The following BACE2 variants were observed in gnomAD, a reference collection of about 807,000 sequenced individuals.
The protein encoded by BACE2 is beta-secretase 2, also known as 56 kDa aspartic-like protease.
In BACE2, 17 loss-of-function variants were observed where a neutral mutation model predicts 46.2. The observed-to-expected ratio is 0.37, with a 90% CI of 0.25 to 0.55. The LOEUF (loss-of-function observed/expected upper bound fraction) is 0.55. Ranked by LOEUF, BACE2 falls within the 20% of genes least tolerant of loss-of-function variation. The pLI is 0.82. For synonymous variants in BACE2, 277 were observed against 295.9 expected, an observed-to-expected ratio of 0.94 and a Z score of 0.66; for missense variants, 595 against 698.1, an observed-to-expected ratio of 0.85 and a Z score of 1.66.
chr21:41,185,834 A>T (rs1379519187), intron 1 of BACE2, among the ~76,000 whole-genome samples: 3 of 152,304 alleles, frequency 2.0e-5, no homozygotes, highest in African/African-American at 7.2e-5. Flanking sequence ...AACATAGAAC[A>T]ACGTGACAAC....
chr21:41,271,546 T>G (rs1395401335), intron 8 of BACE2, among the ~76,000 whole-genome samples: 1 of 152,208 alleles, frequency 6.6e-6, no homozygotes, highest in African/African-American at 2.4e-5. Context: ...TTTCTTTTTG[T>G]CTCATTTGTT....
rs1442784981 is a variant in BACE2, at chr21:41,168,295, C to T, written c.32C>T (p.Pro11Leu). Reference sequence around the variant, plus strand: ...GCACTGGCCCGGGCGCTGCTGCTGCCTCTGCTGGCCCAGTGGCTCCTGCGC... The same window carrying T: ...GCACTGGCCCGGGCGCTGCTGCTGCTTCTGCTGGCCCAGTGGCTCCTGCGC... MGALARALLL[P>L]LLAQWLLRAA... Residue 11 changes from proline to leucine, a missense_variant, in exon 1 of 9, where the codon CCT becomes CTT. Physicochemically the swap from Pro to Leu is moderately conservative, Grantham distance 98. This residue lies in a region of BACE2 where 248 missense variants were observed against 261.4 expected (regional missense o/e 0.95). Coordinates refer to ENST00000330333, the MANE Select transcript of BACE2 (RefSeq NM_012105.5). 2.3e-5 allele frequency: 29 copies of T among 1,281,578 alleles called. No homozygotes were observed. In the East Asian group the frequency reaches 7.0e-4, roughly 31 times the overall value. 79.4% of individuals were successfully genotyped at this position (1,281,578 alleles called of 1,614,324 possible).
chr21:41,191,012 A>C (rs1484931285), intron 1 of BACE2, among the ~76,000 whole-genome samples: 1 of 152,122 alleles, frequency 6.6e-6, no homozygotes. Flanking sequence ...ACAGAACTTA[A>C]TGTCATGGGA....
chr21:41,184,982 G>C (rs1157318777), intron 1 of BACE2: 1 of 166,964 alleles, frequency 6.0e-6, no homozygotes, highest in Non-Finnish European at 1.5e-5. Flanking sequence ...TAACCCAAAT[G>C]GTGTTGCAAT....
chr21:41,200,477 C>T (rs111591666), intron 1 of BACE2, among the ~76,000 whole-genome samples: 233 of 152,216 alleles, frequency 1.5e-3, no homozygotes, highest in African/African-American at 5.3e-3. Flanking sequence ...TAGGTGCACC[C>T]GTGAGGTCTT....
At chr21:41,271,367 A>G (rs1196567344) in intron 8 of BACE2, among the ~76,000 whole-genome samples, 1 of 152,312 alleles carries the variant, frequency 6.6e-6, no homozygotes, top group Non-Finnish European at 1.5e-5. Context: ...TAGTTTTTAC[A>G]TTTTTAAAGG....
At chr21:41,252,231 T>C (rs928138292) in intron 7 of BACE2, among the ~76,000 whole-genome samples, 12 of 152,128 alleles carry the variant, frequency 7.9e-5, no homozygotes, top group African/African-American at 2.9e-4. Flanking sequence ...CCCTCCTAGT[T>C]CCTCAGTGTT....
intron 1 of BACE2, chr21:41,178,942 A>G (rs766217132): frequency 2.3e-6 from 1 of 434,636 alleles, no homozygotes; most frequent in African/African-American, 2.1e-5. Context: ...CCTGCTTTAT[A>G]AGGGCGGTTA....
chr21:41,241,693 T>A lies in BACE2; in HGVS notation c.619-126T>A, dbSNP rs555212725. 4.5e-4 allele frequency: 495 copies of A among 1,101,316 alleles called. 1 individual carries two copies. Among genetic ancestry groups the A allele is most frequent in the Non-Finnish European group, 5.9e-4 (451 of 758,554 alleles). 68.2% of individuals were successfully genotyped at this position (1,101,316 alleles called of 1,614,324 possible). On this transcript the variant is annotated intron_variant, in intron 3 of 8. Transcript: ENST00000330333. Reference sequence around the variant, plus strand: ...TAGACCCAATCACAAGCTGGTGTACTGTTGAACCATGAAAAAATTGAGTAT... The same window carrying A: ...TAGACCCAATCACAAGCTGGTGTACAGTTGAACCATGAAAAAATTGAGTAT...
intron 2 of BACE2, among the ~76,000 whole-genome samples, chr21:41,226,803 G>A (rs1177784552): frequency 1.3e-5 from 2 of 152,218 alleles, no homozygotes; most frequent in African/African-American, 4.8e-5. Context: ...CCTTTGCATA[G>A]TTCAGTAGGG....
chr21:41,234,807 G>C (rs998130663), intron 2 of BACE2, among the ~76,000 whole-genome samples: 1 of 152,176 alleles, frequency 6.6e-6, no homozygotes, highest in Non-Finnish European at 1.5e-5. Flanking sequence ...CCATTTCAAA[G>C]ACCTGACTGC....
intron 2 of BACE2, among the ~76,000 whole-genome samples, chr21:41,230,850 G>A (rs767343424): frequency 2.6e-5 from 4 of 152,130 alleles, no homozygotes; most frequent in Admixed American, 2.6e-4. Context: ...GAAAAGAAAA[G>A]ATCATGTATT....
chr21:41,213,022 G>C (rs928969904), intron 1 of BACE2, among the ~76,000 whole-genome samples: 10 of 152,208 alleles, frequency 6.6e-5, no homozygotes, highest in Non-Finnish European at 1.5e-4. Flanking sequence ...CTTCTTGGCA[G>C]GTTTGTTGAC....
intron 1 of BACE2, among the ~76,000 whole-genome samples, chr21:41,194,161 T>G (rs1020668090): frequency 3.3e-5 from 5 of 152,148 alleles, no homozygotes; most frequent in Non-Finnish European, 7.4e-5. Context: ...TCTGCTTGTA[T>G]AAATTAAGTA....
chr21:41,277,984 C>T lies in BACE2; in HGVS notation c.*2360C>T, dbSNP rs1160913906. ...TCTGGCATGTCTTGCTGCTGAGAAT[C>T]GGACTTCCAGTCAAAACCCTGTTAG... On this transcript the variant is annotated 3_prime_UTR_variant, in exon 9 of 9. Transcript: ENST00000330333. 4 of 152,324 alleles carry T rather than the reference C, an allele frequency of 2.6e-5. No homozygotes were observed. Among genetic ancestry groups the T allele is most frequent in the South Asian group, 2.1e-4 (1 of 4,826 alleles). 9.4% of individuals were successfully genotyped at this position (152,324 alleles called of 1,614,324 possible).
At chr21:41,262,986 T>G (rs920111967) in intron 8 of BACE2, among the ~76,000 whole-genome samples, 1 of 152,194 alleles carries the variant, frequency 6.6e-6, no homozygotes. Flanking sequence ...ATTTATATTT[T>G]TTGTGATGCC....
rs554649880 is a variant in BACE2, at chr21:41,241,743, G to C, written c.619-76G>C. 3 of 1,538,244 alleles carry C rather than the reference G, an allele frequency of 2.0e-6. No individual in the cohort carries two copies. In the African/African-American group the frequency reaches 4.1e-5, roughly 21 times the overall value. On this transcript the variant is annotated intron_variant, in intron 3 of 8. Transcript: ENST00000330333. ...TAAACACCAGGAATGTCTGTGGCGC[G>C]TGGCGTCTACACTGGGTGACCCATG...
chr21:41,265,748 AT>A (rs1407183176), intron 8 of BACE2, among the ~76,000 whole-genome samples: 1 of 152,210 alleles, frequency 6.6e-6, no homozygotes, highest in African/African-American at 2.4e-5. Context: ...TCAATTGTAC[AT>A]TTTTAAAACT....
intron 1 of BACE2, among the ~76,000 whole-genome samples, chr21:41,224,789 A>G (rs1986761157): frequency 6.6e-6 from 1 of 152,224 alleles, no homozygotes; most frequent in African/African-American, 2.4e-5. Context: ...ACCCGTTAGC[A>G]TGGTTCACAT....
Sources: gnomAD v4.1 joint callset for allele counts (sites outside exome capture counted in the v4.1 genomes callset) on GRCh38, gnomAD v4.1.1 for gene constraint, gnomAD v4.1.1 regional missense constraint, MANE v1.5 for transcripts, NCBI Gene and HGNC (gene_info 2026-07-23, HGNC 2026-07-21) for gene names.